NTM: variants seen among roughly 807,000 people sequenced by gnomAD.
NTM encodes neurotrimin.
In NTM, 13 loss-of-function variants were observed where a neutral mutation model predicts 42.1. The ratio of observed to expected loss-of-function variants is 0.31; its 90% CI spans 0.20 to 0.49. NTM has a LOEUF of 0.49. Among genes scored for constraint, NTM ranks in the 20% least tolerant of loss-of-function variants. The pLI is 0.99. For synonymous variants in NTM, 187 were observed against 179.2 expected (o/e 1.04, Z -0.35); for missense variants, 373 against 452.8 (o/e 0.82, Z 1.60).
chr11:131,859,168 G>A (rs2046380059), intron 1 of NTM, among the ~76,000 whole-genome samples: 1 of 152,154 alleles, frequency 6.6e-6, no homozygotes, highest in Non-Finnish European at 1.5e-5. Context: ...GTGTCTTCCT[G>A]GTGCCAGGTA....
At chr11:132,193,074 G>A (rs1372704621) in intron 3 of NTM, among the ~76,000 whole-genome samples, 2 of 152,154 alleles carry the variant, frequency 1.3e-5, no homozygotes, top group Non-Finnish European at 2.9e-5. Flanking sequence ...ACACCCCACT[G>A]ACAGCATTAG....
chr11:131,788,420 G>A (rs1381762856), intron 1 of NTM, among the ~76,000 whole-genome samples: 1 of 151,604 alleles, frequency 6.6e-6, no homozygotes, highest in Non-Finnish European at 1.5e-5. Flanking sequence ...TATCCATTTG[G>A]TGGCTCTCTT....
At chr11:131,450,305 G>A (rs986409221) in intron 1 of NTM, among the ~76,000 whole-genome samples, 3 of 152,184 alleles carry the variant, frequency 2.0e-5, no homozygotes, top group East Asian at 1.9e-4. Context: ...GTGAGGAAGT[G>A]GGGGAGTCAT....
chr11:132,067,946 T>G (rs1031264714), intron 2 of NTM, among the ~76,000 whole-genome samples: 3 of 152,246 alleles, frequency 2.0e-5, no homozygotes, highest in Admixed American at 6.5e-5. Flanking sequence ...TCTACTGATG[T>G]AATATTCTCA....
In NTM at chr11:132,212,143, C is replaced by A; in HGVS notation, c.522C>A (p.Pro174=). The change falls in exon 4 of 9, where the codon CCC becomes CCA. Residue 174 remains proline (P), a synonymous_variant. Coordinates refer to ENST00000683400, the MANE Select transcript of NTM (RefSeq NM_001352005.2). ...CGGTTACTTGGAGACACATCTCTCC[C>A]AAAGGTAAGAGAACAGTTTGTTGCA... is the stretch of plus-strand genomic sequence containing the variant. ...EPTVTWRHIS[P]KAVGFVSEDE... is the part of the protein sequence containing the mutation. 1.2e-6 allele frequency: 2 copies of A among 1,609,816 alleles called. No individual in the cohort carries two copies. Among genetic ancestry groups the A allele is most frequent in the South Asian group, 2.2e-5 (2 of 89,852 alleles).
rs1046237663 is a variant in NTM, at chr11:131,643,403, A to G, written c.83-268161A>G. 2.6e-5 allele frequency among the ~76,000 whole-genome samples: 4 copies of G among 152,210 alleles called. No individual in the cohort carries two copies. In the East Asian group the frequency reaches 7.7e-4, roughly 29 times the overall value. Reference sequence around the variant, plus strand: ...CCGGGTGTGCGCGGAGCGGCCCAGCATGAGCACTGTGTACTCGTCATGTCA... The same window carrying G: ...CCGGGTGTGCGCGGAGCGGCCCAGCGTGAGCACTGTGTACTCGTCATGTCA... On this transcript the variant is annotated intron_variant, in intron 1 of 8. Coordinates refer to ENST00000683400, the MANE Select transcript of NTM (RefSeq NM_001352005.2).
intron 2 of NTM, among the ~76,000 whole-genome samples, chr11:132,008,486 A>G (rs1330033359): frequency 6.6e-6 from 1 of 151,990 alleles, no homozygotes; most frequent in Non-Finnish European, 1.5e-5. Context: ...TTAAAGCGTT[A>G]GTATAGTGTG....
chr11:132,186,875 G>A (rs1163156172), intron 3 of NTM, among the ~76,000 whole-genome samples: 2 of 152,220 alleles, frequency 1.3e-5, no homozygotes, highest in Admixed American at 1.3e-4. Context: ...CCCCTGTGGG[G>A]ATCCGGATGA....
At chr11:131,827,942 G>A (rs1279203213) in intron 1 of NTM, among the ~76,000 whole-genome samples, 1 of 152,034 alleles carries the variant, frequency 6.6e-6, no homozygotes, top group African/African-American at 2.4e-5. Flanking sequence ...TTCTCTACTG[G>A]ATTAAATTTT....
At chr11:131,585,843 T>C (rs2058810363) in intron 1 of NTM, among the ~76,000 whole-genome samples, 1 of 152,216 alleles carries the variant, frequency 6.6e-6, no homozygotes, top group South Asian at 2.1e-4. Context: ...CTCCAGGCCA[T>C]GTTGATTTGC....
At chr11:131,533,620 G>C (rs866379664) in intron 1 of NTM, among the ~76,000 whole-genome samples, 9 of 152,326 alleles carry the variant, frequency 5.9e-5, no homozygotes, top group Admixed American at 6.5e-5. Flanking sequence ...GGTGGGCTTA[G>C]AGCATCCCTT....
At chr11:131,616,321 G>C (rs747921075) in intron 1 of NTM, among the ~76,000 whole-genome samples, 3 of 152,186 alleles carry the variant, frequency 2.0e-5, no homozygotes, top group African/African-American at 7.2e-5. Context: ...ATGGGGCTTG[G>C]GAGTTGGAGG....
intron 1 of NTM, among the ~76,000 whole-genome samples, chr11:131,879,678 A>AT (rs755877164): frequency 1.4e-4 from 22 of 152,142 alleles, no homozygotes; most frequent in East Asian, 3.9e-4. Flanking sequence ...AAAAATATTG[A>AT]TTTTTTTGTC....
intron 1 of NTM, among the ~76,000 whole-genome samples, chr11:131,704,264 C>T (rs912638177): frequency 2.0e-5 from 3 of 152,190 alleles, no homozygotes; most frequent in Admixed American, 1.3e-4. Context: ...AGTCCCACAC[C>T]TGTGGATGCA....
intron 3 of NTM, among the ~76,000 whole-genome samples, chr11:132,161,399 C>CCCA (rs1369624542): frequency 7.8e-6 from 1 of 128,264 alleles, no homozygotes; most frequent in Non-Finnish European, 1.6e-5. Context: ...TTTTTTTCCC[C>CCCA]ACAAAATGTT....
At chr11:131,431,881 C>A (rs1331399526) in intron 1 of NTM, among the ~76,000 whole-genome samples, 2 of 152,142 alleles carry the variant, frequency 1.3e-5, no homozygotes. Flanking sequence ...CCACTCCCTA[C>A]CCCTCCCCAT....
chr11:131,647,180 G>C (rs1227356901), intron 1 of NTM, among the ~76,000 whole-genome samples: 1 of 152,208 alleles, frequency 6.6e-6, no homozygotes, highest in Non-Finnish European at 1.5e-5. Context: ...ATCGTGGAGA[G>C]GGGTCCAGAA....
chr11:132,089,671 C>T (rs1387311899), intron 2 of NTM, among the ~76,000 whole-genome samples: 1 of 152,148 alleles, frequency 6.6e-6, no homozygotes, highest in Non-Finnish European at 1.5e-5. Flanking sequence ...TTGTAAACTA[C>T]TGATTTCTTT....
At chr11:131,554,146 C>A (rs569996284) in intron 1 of NTM, among the ~76,000 whole-genome samples, 11 of 152,302 alleles carry the variant, frequency 7.2e-5, no homozygotes, top group African/African-American at 2.4e-4. Context: ...CAGGTTCATG[C>A]TCTTTTGCTA....
Sources: allele counts gnomAD v4.1 joint callset (sites outside exome capture counted in the v4.1 genomes callset), GRCh38; gene constraint gnomAD v4.1.1; transcripts MANE v1.5; gene names NCBI Gene and HGNC (gene_info 2026-07-23, HGNC 2026-07-21).